The following ROBO2 variants were observed in gnomAD, a reference collection of about 807,000 sequenced individuals.
ROBO2 encodes the protein roundabout guidance receptor 2.
Under a neutral mutation model 160.8 loss-of-function variants are expected in ROBO2, and 53 were observed. That is an observed-to-expected ratio of 0.33 (90% confidence interval 0.26 to 0.41). The LOEUF (loss-of-function observed/expected upper bound fraction) is 0.41. Ranked by LOEUF, ROBO2 falls within the 10% of genes least tolerant of loss-of-function variation. The pLI, the probability that ROBO2 is intolerant of heterozygous loss-of-function variation, is 1.00. For missense variants in ROBO2, 1,577 were observed against 1,722.4 expected (o/e 0.92, Z 1.49); for synonymous variants, 664 against 611.7 (o/e 1.09, Z -1.26).
At chr3:77,213,366 A>G (rs974876359) in intron 2 of ROBO2, among the ~76,000 whole-genome samples, 1 of 152,122 alleles carries the variant, frequency 6.6e-6, no homozygotes, top group African/African-American at 2.4e-5. Flanking sequence ...TTATTTGCAT[A>G]GAGTTGTTTG....
intron 2 of ROBO2, among the ~76,000 whole-genome samples, chr3:76,841,898 C>T (rs149539574): frequency 0.012 from 1,896 of 152,198 alleles, 23 homozygotes; most frequent in South Asian, 0.037. Context: ...GACTCCAAGG[C>T]GCAGTATGTA....
At chr3:77,205,408 T>A (rs1410184651) in intron 2 of ROBO2, among the ~76,000 whole-genome samples, 1 of 151,406 alleles carries the variant, frequency 6.6e-6, no homozygotes, top group African/African-American at 2.4e-5. Context: ...CTTCTCTCTC[T>A]TTCTCTGCCG....
intron 2 of ROBO2, among the ~76,000 whole-genome samples, chr3:76,175,572 T>G (rs2073199981): frequency 6.6e-6 from 1 of 151,934 alleles, no homozygotes; most frequent in African/African-American, 2.4e-5. Context: ...AGAAAGATGG[T>G]CAAAATTTTT....
chr3:77,643,734 T>C (rs534943126), intron 24 of ROBO2, among the ~76,000 whole-genome samples: 1 of 152,196 alleles, frequency 6.6e-6, no homozygotes, highest in East Asian at 1.9e-4. Context: ...GTGTTGTAGA[T>C]AGGCCTCTCC....
At chr3:77,063,049 G>T (rs377022384) in intron 1 of ROBO2, among the ~76,000 whole-genome samples, 4 of 152,234 alleles carry the variant, frequency 2.6e-5, no homozygotes, top group East Asian at 3.9e-4. Flanking sequence ...GGCAGCTAAG[G>T]CCTACTGGTG....
At position 76,132,404 on chromosome 3, in the gene ROBO2, G is replaced by C. The variant is rs1019523504; in HGVS notation, c.109+194802G>C. On this transcript the variant is annotated intron_variant, in intron 2 of 26. Transcript: ENST00000487694. ...CAAATTCCAGACTGTTGGGGGGGGG[G>C]GGGGACGCAGATGTTCAGCATAAAC... is the stretch of plus-strand genomic sequence containing the variant. 9.0e-5 allele frequency among the ~76,000 whole-genome samples: 12 copies of C among 133,522 alleles called. 1 individual carries two copies. The highest frequency in any genetic ancestry group is 8.8e-4 in the South Asian group (3 of 3,400). 87.6% of individuals were successfully genotyped at this position (133,522 alleles called of 152,430 possible). A position where few individuals can be genotyped will look rare whatever the true frequency, so the allele number is the denominator to read the frequency against.
intron 2 of ROBO2, among the ~76,000 whole-genome samples, chr3:76,363,804 T>C (rs1372226454): frequency 6.6e-6 from 1 of 152,090 alleles, no homozygotes; most frequent in Admixed American, 6.6e-5. Context: ...AGAGTTTTTT[T>C]TTTAAATGTT....
intron 2 of ROBO2, among the ~76,000 whole-genome samples, chr3:76,008,051 T>A (rs1156292170): frequency 6.6e-6 from 1 of 151,800 alleles, no homozygotes; most frequent in Non-Finnish European, 1.5e-5. Context: ...CTGGCCAACA[T>A]GGTGAAACCC....
intron 2 of ROBO2, among the ~76,000 whole-genome samples, chr3:76,600,466 T>C (rs1263486535): frequency 6.6e-6 from 1 of 152,162 alleles, no homozygotes; most frequent in East Asian, 1.9e-4. Flanking sequence ...TTAATTTGAC[T>C]CATAGTTCCA....
At chr3:76,894,951 C>A (rs1174445129) in intron 2 of ROBO2, among the ~76,000 whole-genome samples, 1 of 151,846 alleles carries the variant, frequency 6.6e-6, no homozygotes, top group East Asian at 1.9e-4. Flanking sequence ...GGTTTTTTTC[C>A]TTTCAGAAAA....
intron 2 of ROBO2, among the ~76,000 whole-genome samples, chr3:76,256,299 GTCTCTCTC>G (rs372215718): frequency 0.035 from 3,257 of 92,404 alleles, 108 homozygotes; most frequent in African/African-American, 0.045. Flanking sequence ...GACAGAGTGA[GTCTCTCTC>G]TCTCTCTCTC....
At chr3:76,590,221 C>G (rs1317515559) in intron 2 of ROBO2, among the ~76,000 whole-genome samples, 1 of 152,076 alleles carries the variant, frequency 6.6e-6, no homozygotes, top group African/African-American at 2.4e-5. Context: ...ACAAAGTTGT[C>G]AGACAAATGT....
chr3:76,815,210 A>G (rs1256388750), intron 2 of ROBO2, among the ~76,000 whole-genome samples: 14 of 152,036 alleles, frequency 9.2e-5, no homozygotes, highest in Admixed American at 9.2e-4. Flanking sequence ...GGAATTCTAA[A>G]TATAAAATGT....
At chr3:76,993,446 G>A (rs997898278) in intron 2 of ROBO2, among the ~76,000 whole-genome samples, 1 of 152,092 alleles carries the variant, frequency 6.6e-6, no homozygotes, top group Admixed American at 6.5e-5. Flanking sequence ...TCCCCAAAAT[G>A]TCTTCATTCA....
chr3:76,023,811 G>GCTGC (rs978957630), intron 2 of ROBO2, among the ~76,000 whole-genome samples: 1 of 151,452 alleles, frequency 6.6e-6, no homozygotes, highest in Non-Finnish European at 1.5e-5. Flanking sequence ...CTCAAGGCAG[G>GCTGC]CTGGCCACAA....
Position 76,345,442 on chromosome 3 carries a change from T to C in ROBO2, c.109+407840T>C, listed in dbSNP as rs1253615388. Among the ~76,000 whole-genome samples, 6 of 7,578 alleles carry C rather than the reference T, an allele frequency of 7.9e-4. No homozygotes were observed. The Non-Finnish European group carries it at 0.04, about 50-fold the overall frequency. The allele number at this position is 7,578 out of a possible 152,430, so 5.0% of individuals were successfully genotyped here. On this transcript the variant is annotated intron_variant, in intron 2 of 26. Transcript: ENST00000487694. ...CAGGATATCTTTTTTCTTTTCTTTC[T>C]TTTTTTTTTTTTTTTTTAAGCACAG...
At chr3:76,603,846 T>C (rs149847498) in intron 2 of ROBO2, among the ~76,000 whole-genome samples, 118 of 152,266 alleles carry the variant, frequency 7.7e-4, no homozygotes, top group East Asian at 7.7e-3. Context: ...AAATATGAAT[T>C]TGCTTGATAG....
At chr3:76,080,022 A>G (rs2108019625) in intron 2 of ROBO2, among the ~76,000 whole-genome samples, 1 of 152,300 alleles carries the variant, frequency 6.6e-6, no homozygotes, top group South Asian at 2.1e-4. Context: ...GCCTTCACAT[A>G]GATACAATAT....
chr3:76,192,365 A>G (rs1702047990), intron 2 of ROBO2, among the ~76,000 whole-genome samples: 1 of 151,948 alleles, frequency 6.6e-6, no homozygotes, highest in African/African-American at 2.4e-5. Flanking sequence ...CATTCTTTCA[A>G]ACCTTTCCTT....
Sources: allele counts gnomAD v4.1 joint callset (sites outside exome capture counted in the v4.1 genomes callset), GRCh38; gene constraint gnomAD v4.1.1; transcripts MANE v1.5; gene names NCBI Gene and HGNC (gene_info 2026-07-23, HGNC 2026-07-21).